The following ABCB4 variants were observed in gnomAD, a reference collection of about 807,000 sequenced individuals.
ABCB4 encodes phosphatidylcholine translocator ABCB4.
A neutral mutation model predicts 145.7 loss-of-function variants in ABCB4; 76 were observed. The ratio of observed to expected loss-of-function variants is 0.52; its 90% CI spans 0.43 to 0.63. The LOEUF (loss-of-function observed/expected upper bound fraction) is 0.63. Among genes scored for constraint, ABCB4 ranks in the 30% least tolerant of loss-of-function variants. The pLI is 0.00. For missense variants in ABCB4, 1,234 were observed against 1,553.1 expected (o/e 0.79, Z 3.45); for synonymous variants, 517 against 566.8 (o/e 0.91, Z 1.25).
At chr7:87,369,515 G>A in the ABCB4 span, 2 of 1,416,520 alleles carry the variant, frequency 1.4e-6, no homozygotes, top group Admixed American at 1.8e-5. Context: ...AGTTTCATTA[G>A]GTCTTATGGT....
At chr7:87,461,824 A>G (rs1032437552) in intron 4 of ABCB4, among the ~76,000 whole-genome samples, 1 of 152,242 alleles carries the variant, frequency 6.6e-6, no homozygotes, top group African/African-American at 2.4e-5. Context: ...TAAGGCCTAC[A>G]ATAGTAACTA....
chr7:87,406,303 G>T lies in ABCB4; in HGVS notation c.3471C>A (p.Ile1157=), dbSNP rs752578370. Residue 1157 remains isoleucine, a synonymous_variant, in exon 26 of 28, where the codon ATC becomes ATA. Transcript: ENST00000649586. ...TTTAACTTACGTGGGGTAACGTCTC[G>T]ATGAAAGGATGTATGTTGGCAGCTT... ...AAKAANIHPF[I]ETLPHKYETR... is the part of the protein sequence containing the mutation. 2.5e-6 allele frequency: 4 copies of T among 1,614,024 alleles called. No homozygotes were observed. The South Asian group carries it at 3.3e-5, about 13-fold the overall frequency.
intron 2 of ABCB4, 66 bp from the exon 3 acceptor site, chr7:87,472,741 A>T: frequency 2.6e-6 from 3 of 1,133,172 alleles, no homozygotes; most frequent in Non-Finnish European, 4.0e-6. Flanking sequence ...ATTGAACATA[A>T]ATATGTTTAG....
intron 17 of ABCB4, 184 bp downstream of exon 17, chr7:87,423,722 T>G (rs1809611225): frequency 1.5e-6 from 1 of 668,236 alleles, no homozygotes; most frequent in African/African-American, 1.8e-5. Flanking sequence ...TATCATAACT[T>G]AGAGTGATTC....
chr7:87,456,266 C>G (rs1214114645), intron 4 of ABCB4, among the ~76,000 whole-genome samples: 2 of 152,116 alleles, frequency 1.3e-5, no homozygotes, highest in Non-Finnish European at 2.9e-5. Flanking sequence ...CTTTTAAATT[C>G]TCTCAATAAG....
intron 3 of ABCB4, among the ~76,000 whole-genome samples, chr7:87,471,065 G>GT (rs1813355651): frequency 6.6e-6 from 1 of 152,170 alleles, no homozygotes; most frequent in Non-Finnish European, 1.5e-5. Flanking sequence ...CATGTCCTTT[G>GT]TAGGGACATG....
rs45505699 is a variant in ABCB4 at position 87,443,293 on chromosome 7, T to C, written c.1356+26A>G. 3,045 of 1,613,776 alleles carry C rather than the reference T, an allele frequency of 1.9e-3. 55 individuals carry two copies. In the African/African-American group the frequency reaches 0.036, roughly 19 times the overall value. ...CCAATTTGTATCCAGCTTCCCACTC[T>C]GGAAAGCTTGGTTCTTCCCACTTAC... is the stretch of plus-strand genomic sequence containing the variant. On this transcript the variant is annotated intron_variant, in intron 12 of 27. Transcript: ENST00000649586.
the ABCB4 span, chr7:87,375,470 TA>T: frequency 1.8e-4 from 100 of 562,178 alleles, no homozygotes; most frequent in African/African-American, 2.3e-4. Flanking sequence ...CACAATCACT[TA>T]AAAAAATATG....
At chr7:87,428,998 A>T (rs927892943) in intron 15 of ABCB4, among the ~76,000 whole-genome samples, 3 of 152,268 alleles carry the variant, frequency 2.0e-5, no homozygotes, top group Non-Finnish European at 4.4e-5. Flanking sequence ...GAAACAACTA[A>T]GAGCCAACAG....
chr7:87,469,529 G>A (rs1169076217), intron 3 of ABCB4, among the ~76,000 whole-genome samples: 1 of 152,040 alleles, frequency 6.6e-6, no homozygotes, highest in African/African-American at 2.4e-5. Context: ...CAAAGTCTCA[G>A]GATACAAAAT....
rs1306476091 is a variant in ABCB4, at chr7:87,454,520, A to G, written c.344+15T>C. 2 of 1,588,204 alleles carry G rather than the reference A, an allele frequency of 1.3e-6. No homozygotes were observed. Among genetic ancestry groups the G allele is most frequent in the African/African-American group, 2.7e-5 (2 of 74,380 alleles). ...AAATGAAACTTTAAAAAAGTAGACC[A>G]TATATATGAGTTACCTAGTCATTTC... On this transcript the variant is annotated intron_variant, in intron 5 of 27. Coordinates refer to ENST00000649586, the MANE Select transcript of ABCB4 (RefSeq NM_000443.4).
intron 16 of ABCB4, 67 bp from the exon 17 acceptor site, chr7:87,424,119 A>C (rs1809645561): frequency 1.2e-6 from 2 of 1,608,510 alleles, no homozygotes; most frequent in Admixed American, 1.7e-5. Context: ...GTAGACATAG[A>C]AAAGGCATGG....
At chr7:87,366,003 C>T in the ABCB4 span, among the ~76,000 whole-genome samples, 2 of 152,114 alleles carry the variant, frequency 1.3e-5, no homozygotes, top group African/African-American at 4.8e-5. Context: ...CACAAAAAGC[C>T]CAGACTGTTC....
intron 22 of ABCB4, 74 bp from the exon 23 acceptor site, chr7:87,412,107 C>T (rs1808666731): frequency 8.2e-6 from 13 of 1,579,054 alleles, no homozygotes; most frequent in Non-Finnish European, 1.1e-5. Context: ...AAGAGCACGG[C>T]TTCTAAGTCT....
intron 17 of ABCB4, among the ~76,000 whole-genome samples, chr7:87,423,009 G>A (rs1175818041): frequency 6.6e-6 from 1 of 152,178 alleles, no homozygotes; most frequent in African/African-American, 2.4e-5. Context: ...GCCAGAGCTT[G>A]CTTTGTTTTG....
chr7:87,385,163 A>C, the ABCB4 span, among the ~76,000 whole-genome samples: 1 of 149,580 alleles, frequency 6.7e-6, no homozygotes, highest in South Asian at 2.1e-4. Flanking sequence ...CTGGTATTGC[A>C]TTGGCTATTC....
At chr7:87,402,435 C>G (rs1348280851) in intron 27 of ABCB4, 133 bp from the exon 28 acceptor site, 1 of 1,113,568 alleles carries the variant, frequency 9.0e-7, no homozygotes, top group Non-Finnish European at 1.3e-6. Flanking sequence ...GAACTTTATG[C>G]ATGTGTATTT....
At chr7:87,374,114 A>C in the ABCB4 span, among the ~76,000 whole-genome samples, 3,226 of 152,194 alleles carry the variant, frequency 0.021, 120 homozygotes, top group African/African-American at 0.072. Flanking sequence ...ATATTTAAAA[A>C]AATATATGAT....
At chr7:87,381,107 G>A in the ABCB4 span, among the ~76,000 whole-genome samples, 6 of 152,152 alleles carry the variant, frequency 3.9e-5, no homozygotes, top group African/African-American at 1.4e-4. Flanking sequence ...CTCTGAAACT[G>A]GGCCCATATC....
Sources: gnomAD v4.1 joint callset for allele counts (sites outside exome capture counted in the v4.1 genomes callset) on GRCh38, gnomAD v4.1.1 for gene constraint, MANE v1.5 for transcripts, NCBI Gene and HGNC (gene_info 2026-07-23, HGNC 2026-07-21) for gene names.